ANKS1A: variants seen among roughly 807,000 people sequenced by gnomAD.
ANKS1A encodes ankyrin repeat and sterile alpha motif domain containing 1A, also known as ankyrin repeat and SAM domain-containing protein 1A.
A neutral mutation model predicts 120.3 loss-of-function variants in ANKS1A; 55 were observed. That is an observed-to-expected ratio of 0.46 (90% CI 0.37 to 0.57). The LOEUF is 0.57. Ranked by LOEUF, ANKS1A falls within the 20% of genes least tolerant of loss-of-function variation. The pLI, the probability that ANKS1A is intolerant of heterozygous loss-of-function variation, is 0.00. For missense variants in ANKS1A, 1,123 were observed against 1,480.3 expected, an observed-to-expected ratio of 0.76 and a Z score of 3.96; for synonymous variants, 590 against 604.7, an observed-to-expected ratio of 0.98 and a Z score of 0.36.
chr6:35,006,727 C>A (rs1323600584), intron 10 of ANKS1A, among the ~76,000 whole-genome samples: 2 of 152,180 alleles, frequency 1.3e-5, no homozygotes, highest in African/African-American at 4.8e-5. Flanking sequence ...TGCACTCCAG[C>A]CTGGGTGACA....
Position 35,079,854 on chromosome 6 carries a change from C to T in ANKS1A, c.2470C>T (p.Arg824Cys). 13 of 1,571,176 alleles carry T rather than the reference C, an allele frequency of 8.3e-6. No homozygotes were observed. Among genetic ancestry groups the T allele is most frequent in the Non-Finnish European group, 1.1e-5 (13 of 1,158,014 alleles). ...GGTCCAGCTGCTCGGCCATCGCAAG[C>T]GCATCATCGCCTCCCTCGCAGACAG... is the stretch of plus-strand genomic sequence containing the variant. ...LKVQLLGHRK[R>C]IIASLADRPY... The change falls in exon 16 of 24, where the codon CGC (arginine) becomes TGC (cysteine). Residue 824 changes from arginine to cysteine, a missense_variant. Physicochemically the swap from Arg to Cys is radical, Grantham distance 180 (BLOSUM62 -3). Transcript: ENST00000360359.
Position 35,079,938 on chromosome 6 carries a change from G to A in ANKS1A, c.2544+10G>A. On this transcript the variant is annotated intron_variant, in intron 16 of 23. Transcript: ENST00000360359. The stretch of plus-strand genomic sequence containing the variant: ...ATTCTCCCAGCTGAGGGTGAGTCGG[G>A]GAGGGACAGAAAGGAATGTATGTTT... 1.9e-6 allele frequency: 3 copies of A among 1,552,798 alleles called. No individual in the cohort carries two copies. Among genetic ancestry groups the A allele is most frequent in the South Asian group, 2.4e-5 (2 of 84,130 alleles).
At chr6:34,904,780 C>G (rs1056526574) in intron 1 of ANKS1A, among the ~76,000 whole-genome samples, 3 of 152,106 alleles carry the variant, frequency 2.0e-5, no homozygotes, top group African/African-American at 7.2e-5. Flanking sequence ...AAGGTGACAT[C>G]TGATTCTGAT....
intron 11 of ANKS1A, among the ~76,000 whole-genome samples, chr6:35,022,350 A>G (rs963395798): frequency 2.0e-5 from 3 of 152,226 alleles, no homozygotes; most frequent in African/African-American, 4.8e-5. Flanking sequence ...TGTATGGCTA[A>G]TAGATTTGGG....
chr6:34,930,832 T>G (rs191853490), intron 1 of ANKS1A, among the ~76,000 whole-genome samples: 9 of 152,204 alleles, frequency 5.9e-5, no homozygotes, highest in Admixed American at 5.9e-4. Context: ...ACTTCTTCCC[T>G]GTTACTTTGG....
chr6:35,009,086 CTT>C (rs1014550282), intron 10 of ANKS1A, among the ~76,000 whole-genome samples: 7 of 152,124 alleles, frequency 4.6e-5, no homozygotes, highest in African/African-American at 1.4e-4. Context: ...GTTGTTGAGG[CTT>C]TTTGAATCCG....
At chr6:34,991,853 GGA>G (rs1491181440) in intron 9 of ANKS1A, among the ~76,000 whole-genome samples, 1 of 53,558 alleles carries the variant, frequency 1.9e-5, no homozygotes, top group African/African-American at 3.8e-5. Flanking sequence ...CTGGAGGAAA[GGA>G]AAAAAAAAAA....
At chr6:34,952,668 A>G (rs1328319041) in intron 1 of ANKS1A, among the ~76,000 whole-genome samples, 1 of 151,416 alleles carries the variant, frequency 6.6e-6, no homozygotes, top group Admixed American at 6.6e-5. Context: ...TTTGTGCAGT[A>G]TTGTTTACCC....
rs546670832 is a variant in ANKS1A, at chr6:35,085,680, G to A, written c.3133-86G>A. The A allele has an allele frequency of 5.0e-6, 7 of 1,405,322 alleles. No individual in the cohort carries two copies. The Admixed American group carries it at 7.7e-5, about 16-fold the overall frequency. The allele number at this position is 1,405,322 out of a possible 1,614,324, so 87.1% of individuals were successfully genotyped here. ...GCGCTCCCGGGTAGACTTAGAGGGG[G>A]ACACATGGTCCCTGCGAGGAAGGGC... On this transcript the variant is annotated intron_variant, in intron 21 of 23. Transcript: ENST00000360359. This position sits in a 1 kb window ranked among gnomAD's most constrained non-coding sequence, Gnocchi z 4.7.
intron 11 of ANKS1A, among the ~76,000 whole-genome samples, chr6:35,020,651 T>C (rs1006944429): frequency 1.3e-5 from 2 of 152,236 alleles, no homozygotes; most frequent in African/African-American, 4.8e-5. Context: ...GCAGCATTTC[T>C]GGGCAGCCTT....
chr6:35,089,477 A>G lies in ANKS1A; in HGVS notation c.*868A>G. On this transcript the variant is annotated 3_prime_UTR_variant, in exon 24 of 24. Coordinates refer to ENST00000360359, the MANE Select transcript of ANKS1A (RefSeq NM_015245.3). Reference sequence around the variant, plus strand: ...TAGGAAAAGCAGCTTTGTTTGGGGCATTAATGCTTGGAGTGGGGTCAGCTA... The same window carrying G: ...TAGGAAAAGCAGCTTTGTTTGGGGCGTTAATGCTTGGAGTGGGGTCAGCTA... The G allele has an allele frequency of 1.0e-6, 1 of 986,730 alleles. No individual in the cohort carries two copies. Among genetic ancestry groups the G allele is most frequent in the Non-Finnish European group, 1.2e-6 (1 of 830,612 alleles). The allele number at this position is 986,730 out of a possible 1,614,324, so 61.1% of individuals were successfully genotyped here. A position where few individuals can be genotyped will look rare whatever the true frequency, so the allele number is the denominator to read the frequency against.
rs527708587 is a variant in ANKS1A at position 34,903,591 on chromosome 6, G to A, written c.197+13992G>A. 8.5e-5 allele frequency among the ~76,000 whole-genome samples: 13 copies of A among 152,064 alleles called. No homozygotes were observed. In the East Asian group the frequency reaches 2.3e-3, roughly 27 times the overall value. On this transcript the variant is annotated intron_variant, in intron 1 of 23. Coordinates refer to ENST00000360359, the MANE Select transcript of ANKS1A (RefSeq NM_015245.3). ...TGGCTCACAGGGGCCTCCACCTCCC[G>A]GGTTCAAGCGATTCCCCTGCCTCAG...
intron 11 of ANKS1A, among the ~76,000 whole-genome samples, chr6:35,051,675 G>A (rs1407720462): frequency 6.6e-6 from 1 of 152,234 alleles, no homozygotes; most frequent in Non-Finnish European, 1.5e-5. Context: ...CCTCATTGGT[G>A]TCTACAGTGT....
chr6:35,019,433 G>A (rs1446534894), intron 11 of ANKS1A, among the ~76,000 whole-genome samples: 1 of 152,214 alleles, frequency 6.6e-6, no homozygotes, highest in African/African-American at 2.4e-5. Context: ...GGTTGGGGGT[G>A]GGGGCTGTGC....
chr6:34,944,557 T>C (rs1219334134), intron 1 of ANKS1A, among the ~76,000 whole-genome samples: 1 of 152,232 alleles, frequency 6.6e-6, no homozygotes, highest in African/African-American at 2.4e-5. Flanking sequence ...TTTCTTATTG[T>C]TGAATTTTAT....
intron 11 of ANKS1A, among the ~76,000 whole-genome samples, chr6:35,043,615 T>C (rs1423475828): frequency 6.6e-6 from 1 of 152,232 alleles, no homozygotes; most frequent in Non-Finnish European, 1.5e-5. Flanking sequence ...AGAAGCCTCT[T>C]ACATGGCCAC....
At chr6:35,046,713 A>G (rs889361446) in intron 11 of ANKS1A, among the ~76,000 whole-genome samples, 5 of 152,236 alleles carry the variant, frequency 3.3e-5, no homozygotes, top group African/African-American at 1.2e-4. Flanking sequence ...CAAACACTTT[A>G]ACGTGTATAT....
intron 11 of ANKS1A, among the ~76,000 whole-genome samples, chr6:35,047,363 C>A (rs188113567): frequency 3.3e-5 from 5 of 152,304 alleles, no homozygotes; most frequent in Non-Finnish European, 4.4e-5. Context: ...AGGATGTTTT[C>A]TTTGGCCTGG....
Position 35,084,034 on chromosome 6 carries a change from A to G in ANKS1A, c.2995-87A>G. 1.3e-6 allele frequency: 2 copies of G among 1,565,936 alleles called. No individual in the cohort carries two copies. The highest frequency in any genetic ancestry group is 1.7e-6 in the Non-Finnish European group (2 of 1,148,092). ...CTTGATGCTCTAGGCTGGGACAGAGAACAGTGACAATGGTAACAGGCTGGG... is the reference window on the plus strand; with the variant it reads ...CTTGATGCTCTAGGCTGGGACAGAGGACAGTGACAATGGTAACAGGCTGGG... On this transcript the variant is annotated intron_variant, in intron 20 of 23. Coordinates refer to ENST00000360359, the MANE Select transcript of ANKS1A (RefSeq NM_015245.3). The surrounding 1 kb of genome is among the most constrained non-coding windows in gnomAD (Gnocchi z 4.8).
Sources: allele counts gnomAD v4.1 joint callset (sites outside exome capture counted in the v4.1 genomes callset), GRCh38; gene constraint gnomAD v4.1.1; non-coding constraint Gnocchi (gnomAD v3.1); transcripts MANE v1.5; gene names NCBI Gene and HGNC (gene_info 2026-07-23, HGNC 2026-07-21).